Variants in SLC1A3 observed in about 807,000 individuals in gnomAD.
The protein encoded by SLC1A3 is excitatory amino acid transporter 1.
A neutral mutation model predicts 48.1 loss-of-function variants in SLC1A3; 21 were observed. The observed-to-expected ratio is 0.44, with a 90% CI of 0.31 to 0.63. The LOEUF (loss-of-function observed/expected upper bound fraction) is 0.63, where lower values mean the gene tolerates loss of function less well. Ranked by LOEUF, SLC1A3 falls within the 20% of genes least tolerant of loss-of-function variation. The pLI is 0.08. For missense variants in SLC1A3, 546 were observed against 689.0 expected (o/e 0.79, Z 2.32); for synonymous variants, 239 against 251.4 (o/e 0.95, Z 0.47).
At chr5:36,645,387 C>T (rs920013254) in intron 3 of SLC1A3, among the ~76,000 whole-genome samples, 8 of 123,056 alleles carry the variant, frequency 6.5e-5, no homozygotes, top group Admixed American at 3.2e-4. Flanking sequence ...AGTGCAGTGG[C>T]GTGTTCTCGG....
At chr5:36,619,634 G>A (rs1011023646) in intron 2 of SLC1A3, among the ~76,000 whole-genome samples, 5 of 152,154 alleles carry the variant, frequency 3.3e-5, no homozygotes, top group Admixed American at 2.0e-4. Context: ...TAAGCGAATG[G>A]AAATTTATGT....
chr5:36,671,586 G>A (rs1428574623), intron 4 of SLC1A3, among the ~76,000 whole-genome samples: 1 of 152,066 alleles, frequency 6.6e-6, no homozygotes, highest in Non-Finnish European at 1.5e-5. Context: ...TTTTATTCAA[G>A]TATGCCCTAT....
upstream of SLC1A3, among the ~76,000 whole-genome samples, chr5:36,604,148 A>G (rs1738839721): frequency 6.6e-6 from 1 of 152,194 alleles, no homozygotes; most frequent in African/African-American, 2.4e-5. Context: ...TCACAGAAAG[A>G]TCTTGACAGA....
chr5:36,622,242 C>T (rs950713641), intron 2 of SLC1A3, among the ~76,000 whole-genome samples: 9 of 152,144 alleles, frequency 5.9e-5, no homozygotes, highest in Non-Finnish European at 5.9e-5. Flanking sequence ...CCTCAGAATG[C>T]GAGGTCTTTC....
rs1397714515 is a variant in SLC1A3, at chr5:36,606,619, A to G, written c.-212A>G. Reference sequence around the variant, plus strand: ...ACTTGCAGTTTCAGAGCACATGCACACTGTCAGGGCTAGCCTGCCTGCTTA... The same window carrying G: ...ACTTGCAGTTTCAGAGCACATGCACGCTGTCAGGGCTAGCCTGCCTGCTTA... On this transcript the variant is annotated 5_prime_UTR_variant, in exon 1 of 10. Transcript: ENST00000265113. 1 of 152,318 alleles carries G rather than the reference A, an allele frequency of 6.6e-6. No homozygotes were observed. Among genetic ancestry groups the G allele is most frequent in the African/African-American group, 2.4e-5 (1 of 41,458 alleles). The allele number at this position is 152,318 out of a possible 1,614,324, so 9.4% of individuals were successfully genotyped here.
Position 36,609,130 on chromosome 5 carries a change from G to T in SLC1A3, c.181+526G>T, listed in dbSNP as rs565505817. 3 of 986,122 alleles carry T rather than the reference G, an allele frequency of 3.0e-6. No homozygotes were observed. In the East Asian group the frequency reaches 3.4e-4, roughly 112 times the overall value. 61.1% of individuals were successfully genotyped at this position (986,122 alleles called of 1,614,324 possible). A position where few individuals can be genotyped will look rare whatever the true frequency, so the allele number is the denominator to read the frequency against. ...TCTCACCCAGCAACTGGGAAAGGTA[G>T]ATTGGGGAAAATGTTAACACAGATC... On this transcript the variant is annotated intron_variant, in intron 2 of 9. Transcript: ENST00000265113.
rs761481701 is a variant in SLC1A3 at position 36,686,055 on chromosome 5, C to G, written c.1425-10C>G. 6.2e-7 allele frequency: 1 copy of G among 1,613,544 alleles called. No homozygotes were observed. Among genetic ancestry groups the G allele is most frequent in the East Asian group, 2.2e-5 (1 of 44,876 alleles). On this transcript the variant is annotated splice_polypyrimidine_tract_variant and intron_variant, in intron 9 of 9. Transcript: ENST00000265113. ...GCCTCGTTTTTCCCTCCTCCCCACC[C>G]TGCCTGCAGGGATCGCCTCCGGACC...
At chr5:36,643,732 C>A (rs1038541286) in intron 3 of SLC1A3, among the ~76,000 whole-genome samples, 1 of 152,098 alleles carries the variant, frequency 6.6e-6, no homozygotes, top group Non-Finnish European at 1.5e-5. Flanking sequence ...CGGTGGCTCA[C>A]ACCTGTAATC....
upstream of SLC1A3, among the ~76,000 whole-genome samples, chr5:36,602,042 AT>A (rs1350075267): frequency 1.3e-5 from 2 of 152,142 alleles, no homozygotes; most frequent in East Asian, 3.9e-4. Context: ...GACTCTGGAG[AT>A]TTAAACCCAG....
intron 1 of SLC1A3, among the ~76,000 whole-genome samples, chr5:36,598,833 G>A (rs1738773090): frequency 6.6e-6 from 1 of 152,026 alleles, no homozygotes; most frequent in South Asian, 2.1e-4. Flanking sequence ...TTGCCTTGTT[G>A]CCCTGGCTGA....
chr5:36,664,648 TTTGATTAA>T (rs1413042166), intron 3 of SLC1A3, among the ~76,000 whole-genome samples: 2 of 152,212 alleles, frequency 1.3e-5, no homozygotes, highest in African/African-American at 4.8e-5. Flanking sequence ...TTCTATTCAC[TTTGATTAA>T]TTGATGAAAA....
intron 3 of SLC1A3, among the ~76,000 whole-genome samples, chr5:36,645,056 C>A (rs982209258): frequency 6.6e-6 from 1 of 152,112 alleles, no homozygotes; most frequent in Non-Finnish European, 1.5e-5. Context: ...TATGGGGCGG[C>A]GTCATTGCTG....
chr5:36,602,629 ATGT>A (rs1738820935), upstream of SLC1A3, among the ~76,000 whole-genome samples: 1 of 152,180 alleles, frequency 6.6e-6, no homozygotes, highest in South Asian at 2.1e-4. Flanking sequence ...TGGAGAAAAC[ATGT>A]TGTTTTTTAA....
chr5:36,612,883 C>G, intron 2 of SLC1A3: 1 of 454,828 alleles, frequency 2.2e-6, no homozygotes, highest in South Asian at 1.6e-5. Flanking sequence ...TTTACTCCAG[C>G]AATTTGCTGA....
rs181561030 is a variant in SLC1A3, at chr5:36,616,851, T to C, written c.181+8247T>C. Among the ~76,000 whole-genome samples, 994 of 152,318 alleles carry C rather than the reference T, an allele frequency of 6.5e-3. 9 individuals carry two copies. Among genetic ancestry groups the C allele is most frequent in the Non-Finnish European group, 0.011 (764 of 68,026 alleles). On this transcript the variant is annotated intron_variant, in intron 2 of 9. Transcript: ENST00000265113. ...GAAACATCAAGAAGGAAATTATGAG[T>C]CTATGGAGAAACTCCCTGTGAAAAA...
intron 2 of SLC1A3, among the ~76,000 whole-genome samples, chr5:36,614,595 G>T (rs892944963): frequency 6.6e-6 from 1 of 152,120 alleles, no homozygotes; most frequent in African/African-American, 2.4e-5. Flanking sequence ...TGGAGGGGGC[G>T]CCTGACAGTA....
chr5:36,619,101 G>A (rs1187794422), intron 2 of SLC1A3, among the ~76,000 whole-genome samples: 1 of 152,158 alleles, frequency 6.6e-6, no homozygotes, highest in Non-Finnish European at 1.5e-5. Flanking sequence ...GTGGAACAAG[G>A]CTGGGGCAGG....
intron 3 of SLC1A3, among the ~76,000 whole-genome samples, chr5:36,640,556 C>T (rs1027139735): frequency 6.6e-6 from 1 of 152,208 alleles, no homozygotes; most frequent in African/African-American, 2.4e-5. Flanking sequence ...AATTACCAAG[C>T]CAGTTTCCTC....
rs755714334 is a variant in SLC1A3, at chr5:36,679,750, C to T, written c.984C>T (p.His328=). The T allele has an allele frequency of 9.9e-6, 16 of 1,613,918 alleles. No individual in the cohort carries two copies. The highest frequency in any genetic ancestry group is 3.3e-5 in the Admixed American group (2 of 60,002). Residue 328 remains histidine (H), a synonymous_variant, in exon 7 of 10, where the codon CAC becomes CAT. Coordinates refer to ENST00000265113, the MANE Select transcript of SLC1A3 (RefSeq NM_004172.5). Reference sequence around the variant, plus strand: ...CTGTCATTGTTGGCTTACTCATTCACGCAGTCATCGTCTTGCCACTCCTCT... The same window carrying T: ...CTGTCATTGTTGGCTTACTCATTCATGCAGTCATCGTCTTGCCACTCCTCT... ...TVTVIVGLLI[H]AVIVLPLLYF...
Sources: gnomAD v4.1 joint callset for allele counts (sites outside exome capture counted in the v4.1 genomes callset) on GRCh38, gnomAD v4.1.1 for gene constraint, MANE v1.5 for transcripts, NCBI Gene and HGNC (gene_info 2026-07-23, HGNC 2026-07-21) for gene names.